FSTL4: variants seen among roughly 807,000 people sequenced by gnomAD.
FSTL4 encodes the protein follistatin-related protein 4.
A neutral mutation model predicts 78.2 loss-of-function variants in FSTL4; 28 were observed. The ratio of observed to expected loss-of-function variants is 0.36; its 90% CI spans 0.27 to 0.49. The LOEUF (loss-of-function observed/expected upper bound fraction) is 0.49. Ranked by LOEUF, FSTL4 falls within the 20% of genes least tolerant of loss-of-function variation. FSTL4 has a pLI of 0.98. For missense variants in FSTL4, 922 were observed against 1,084.9 expected, an observed-to-expected ratio of 0.85 and a Z score of 2.11; for synonymous variants, 422 against 440.5, an observed-to-expected ratio of 0.96 and a Z score of 0.53.
chr5:133,495,660 G>A (rs72787338), intron 3 of FSTL4, among the ~76,000 whole-genome samples: 48 of 152,228 alleles, frequency 3.2e-4, no homozygotes, highest in Non-Finnish European at 5.0e-4. Flanking sequence ...GCTCTGCTCC[G>A]GGGACCACTC....
chr5:133,745,887 C>T, the FSTL4 span, among the ~76,000 whole-genome samples: 17 of 152,198 alleles, frequency 1.1e-4, no homozygotes, highest in African/African-American at 4.1e-4. Flanking sequence ...GTCCCCCTCA[C>T]GTTAATGACA....
At chr5:133,409,476 C>T (rs926006474) in intron 3 of FSTL4, among the ~76,000 whole-genome samples, 3 of 152,170 alleles carry the variant, frequency 2.0e-5, no homozygotes, top group African/African-American at 7.2e-5. Context: ...CCAGAGCTTT[C>T]CCCCCAGCCC....
At chr5:133,467,257 A>AGTGTGT (rs34838954) in intron 3 of FSTL4, among the ~76,000 whole-genome samples, 3,455 of 139,206 alleles carry the variant, frequency 0.025, 127 homozygotes, top group African/African-American at 0.081. Context: ...AGTATATGTG[A>AGTGTGT]GTGTGTGTGT....
intron 4 of FSTL4, among the ~76,000 whole-genome samples, chr5:133,363,997 C>T (rs534290688): frequency 5.9e-5 from 9 of 152,286 alleles, no homozygotes; most frequent in African/African-American, 1.2e-4. Flanking sequence ...CCAGCCTTCC[C>T]GTAGATGCTT....
intron 3 of FSTL4, among the ~76,000 whole-genome samples, chr5:133,480,116 AC>A (rs1757999546): frequency 6.6e-6 from 1 of 152,156 alleles, no homozygotes; most frequent in African/African-American, 2.4e-5. Flanking sequence ...GGCGAAGTTG[AC>A]CCTGCTGGTC....
At chr5:133,579,225 G>C (rs919504176) in intron 2 of FSTL4, among the ~76,000 whole-genome samples, 1 of 152,216 alleles carries the variant, frequency 6.6e-6, no homozygotes, top group Non-Finnish European at 1.5e-5. Context: ...GCCTGGCGTA[G>C]CGTAGGCCCT....
rs146023963 is a variant in FSTL4 at position 133,285,953 on chromosome 5, G to A, written c.727+26701C>T. 3.7e-4 allele frequency among the ~76,000 whole-genome samples: 57 copies of A among 152,328 alleles called. No individual in the cohort carries two copies. The East Asian group carries it at 0.011, about 29-fold the overall frequency. On this transcript the variant is annotated intron_variant, in intron 6 of 15. Transcript: ENST00000265342. ...GAAGTCCTAGGAAGGGAGCTGGATC[G>A]GTGGCCCCACCTGCCAGGGCACCAA...
At chr5:133,260,139 T>C (rs2126834164) in intron 6 of FSTL4, among the ~76,000 whole-genome samples, 1 of 152,318 alleles carries the variant, frequency 6.6e-6, no homozygotes, top group Admixed American at 6.5e-5. Context: ...CGTCCCAAGT[T>C]TCCTGGGGTT....
At chr5:133,263,090 G>A (rs1752569911) in intron 6 of FSTL4, among the ~76,000 whole-genome samples, 1 of 152,134 alleles carries the variant, frequency 6.6e-6, no homozygotes. Context: ...GGGAAAGGGA[G>A]GAATCCAGGA....
At chr5:133,435,373 A>G (rs1330760418) in intron 3 of FSTL4, among the ~76,000 whole-genome samples, 3 of 152,226 alleles carry the variant, frequency 2.0e-5, no homozygotes, top group Admixed American at 2.0e-4. Flanking sequence ...AAAGATGGTT[A>G]AAAGTCCTGC....
At chr5:133,346,717 C>T (rs1754704498) in intron 4 of FSTL4, among the ~76,000 whole-genome samples, 1 of 152,050 alleles carries the variant, frequency 6.6e-6, no homozygotes, top group African/African-American at 2.4e-5. Flanking sequence ...TTGGTAATTT[C>T]CTGCTCTTAA....
At chr5:133,398,819 C>G (rs906229441) in intron 4 of FSTL4, among the ~76,000 whole-genome samples, 2 of 152,186 alleles carry the variant, frequency 1.3e-5, no homozygotes, top group African/African-American at 4.8e-5. Flanking sequence ...TTTCTGGGAG[C>G]TCACAGGCAC....
intron 3 of FSTL4, among the ~76,000 whole-genome samples, chr5:133,532,107 G>C (rs1759266040): frequency 6.6e-6 from 1 of 152,218 alleles, no homozygotes; most frequent in South Asian, 2.1e-4. Context: ...TTCTAAAAGA[G>C]AGGCAGGAGG....
chr5:133,313,271 G>C (rs1441698747), intron 5 of FSTL4, among the ~76,000 whole-genome samples: 1 of 152,204 alleles, frequency 6.6e-6, no homozygotes, highest in East Asian at 1.9e-4. Flanking sequence ...ATGGCAGGCA[G>C]TGCTGCCTGG....
chr5:133,836,371 T>C, the FSTL4 span, among the ~76,000 whole-genome samples: 1 of 152,188 alleles, frequency 6.6e-6, no homozygotes, highest in Non-Finnish European at 1.5e-5. Context: ...CTTGACTTGT[T>C]AAAGCCTAAA....
intron 3 of FSTL4, among the ~76,000 whole-genome samples, chr5:133,541,141 C>T (rs953756287): frequency 7.2e-5 from 11 of 152,186 alleles, no homozygotes; most frequent in African/African-American, 1.7e-4. Flanking sequence ...TGCCACAAAA[C>T]GTAGTGACTT....
chr5:133,407,554 T>C (rs553907478), intron 3 of FSTL4, among the ~76,000 whole-genome samples: 1 of 152,320 alleles, frequency 6.6e-6, no homozygotes, highest in South Asian at 2.1e-4. Flanking sequence ...CCATGCATAA[T>C]GTTTACAGAT....
the FSTL4 span, among the ~76,000 whole-genome samples, chr5:133,639,330 G>A: frequency 6.6e-6 from 1 of 152,196 alleles, no homozygotes; most frequent in Non-Finnish European, 1.5e-5. Context: ...TGTGGCAGTA[G>A]TCGGTGCTCT....
the FSTL4 span, among the ~76,000 whole-genome samples, chr5:133,676,558 GATA>G: frequency 1.7e-3 from 265 of 152,278 alleles, no homozygotes; most frequent in Middle Eastern, 0.014. Flanking sequence ...GAAAGAGTTT[GATA>G]ATAACCAATT....
Sources: gnomAD v4.1 joint callset for allele counts (sites outside exome capture counted in the v4.1 genomes callset) on GRCh38, gnomAD v4.1.1 for gene constraint, MANE v1.5 for transcripts, NCBI Gene and HGNC (gene_info 2026-07-23, HGNC 2026-07-21) for gene names.